Variants in KLF17 observed in about 807,000 individuals in gnomAD.
The protein encoded by KLF17 is Krueppel-like factor 17.
Under a neutral mutation model 34.2 loss-of-function variants are expected in KLF17, and 31 were observed. The ratio of observed to expected loss-of-function variants is 0.91; its 90% CI spans 0.68 to 1.22. The LOEUF (loss-of-function observed/expected upper bound fraction) is 1.22, where lower values mean the gene tolerates loss of function less well. Ranked by LOEUF, KLF17 falls within the 50% of genes most tolerant of loss-of-function variation. The pLI, the probability that KLF17 is intolerant of heterozygous loss-of-function variation, is 0.00. For missense variants in KLF17, 478 were observed against 505.2 expected (o/e 0.95, Z 0.52); for synonymous variants, 179 against 186.7 (o/e 0.96, Z 0.34).
intron 1 of KLF17, among the ~76,000 whole-genome samples, chr1:44,125,350 A>G (rs2087995362): frequency 6.6e-6 from 1 of 152,200 alleles, no homozygotes; most frequent in Non-Finnish European, 1.5e-5. Flanking sequence ...GAATATATCA[A>G]CCCATGGTCT....
the KLF17 span, among the ~76,000 whole-genome samples, chr1:44,102,565 TACACACACAC>T: frequency 0.11 from 9,599 of 89,380 alleles, 321 homozygotes; most frequent in Non-Finnish European, 0.12. Context: ...CACATACACA[TACACACACAC>T]ACACACACAC....
the KLF17 span, among the ~76,000 whole-genome samples, chr1:44,079,536 C>T: frequency 6.6e-6 from 1 of 151,850 alleles, no homozygotes; most frequent in Non-Finnish European, 1.5e-5. Context: ...CTCCTGGGCT[C>T]AAGCGATCCT....
chr1:44,092,272 G>C, the KLF17 span, among the ~76,000 whole-genome samples: 8 of 151,788 alleles, frequency 5.3e-5, no homozygotes, highest in Non-Finnish European at 1.2e-4. Context: ...AATCCGGGAG[G>C]CTGATGATGC....
intron 1 of KLF17, among the ~76,000 whole-genome samples, chr1:44,125,530 C>T (rs185840360): frequency 3.3e-5 from 5 of 152,214 alleles, no homozygotes; most frequent in East Asian, 1.9e-4. Context: ...TGCAATAGTG[C>T]GATCTTGGCT....
At chr1:44,046,837 A>G in the KLF17 span, among the ~76,000 whole-genome samples, 173 of 152,264 alleles carry the variant, frequency 1.1e-3, no homozygotes, top group Non-Finnish European at 2.1e-4. Context: ...AGCCTGGGCA[A>G]TATGGTGAAA....
chr1:44,118,882 G>A lies in KLF17; in HGVS notation c.-26G>A, dbSNP rs755697856. 6.3e-7 allele frequency: 1 copy of A among 1,586,854 alleles called. No individual in the cohort carries two copies. Among genetic ancestry groups the A allele is most frequent in the Non-Finnish European group, 8.6e-7 (1 of 1,165,972 alleles). On this transcript the variant is annotated 5_prime_UTR_variant, in exon 1 of 4. Transcript: ENST00000372299. ...TGGCTGGTTCCCTGTCTCTTCAGTAGAGAGTCTAGACCCCACCCAGTCTTC... is the reference window on the plus strand; with the variant it reads ...TGGCTGGTTCCCTGTCTCTTCAGTAAAGAGTCTAGACCCCACCCAGTCTTC...
At chr1:44,086,064 T>C in the KLF17 span, among the ~76,000 whole-genome samples, 1 of 152,122 alleles carries the variant, frequency 6.6e-6, no homozygotes, top group African/African-American at 2.4e-5. Flanking sequence ...AGACTAGCCC[T>C]GGAGGAGCAT....
At chr1:44,073,105 G>A in the KLF17 span, among the ~76,000 whole-genome samples, 3 of 152,134 alleles carry the variant, frequency 2.0e-5, no homozygotes, top group Admixed American at 6.5e-5. Flanking sequence ...GGAGTAGTTG[G>A]GTAGACAATT....
chr1:44,084,740 G>C, the KLF17 span, among the ~76,000 whole-genome samples: 1 of 149,850 alleles, frequency 6.7e-6, no homozygotes, highest in African/African-American at 2.5e-5. Context: ...TCATTGCTGA[G>C]CAATGAGCAC....
chr1:44,073,206 C>CATCTTT, the KLF17 span, among the ~76,000 whole-genome samples: 1 of 109,466 alleles, frequency 9.1e-6, no homozygotes, highest in African/African-American at 3.0e-5. Context: ...TCTTCTTCTT[C>CATCTTT]TTCTTTTTTT....
chr1:44,132,948 C>T (rs935641967), intron 3 of KLF17, among the ~76,000 whole-genome samples: 3 of 152,314 alleles, frequency 2.0e-5, no homozygotes, highest in Non-Finnish European at 4.4e-5. Context: ...AGAATCCCAA[C>T]CAGGATCTGT....
chr1:44,102,216 G>C, the KLF17 span, among the ~76,000 whole-genome samples: 2 of 151,716 alleles, frequency 1.3e-5, no homozygotes, highest in African/African-American at 4.8e-5. Context: ...CAAAAAACAA[G>C]ACCCAACTAT....
At chr1:44,111,602 CTG>C in the KLF17 span, among the ~76,000 whole-genome samples, 5 of 151,398 alleles carry the variant, frequency 3.3e-5, no homozygotes, top group African/African-American at 1.2e-4. Flanking sequence ...CCATACATAA[CTG>C]TGGTGCATTT....
At chr1:44,094,229 T>A in the KLF17 span, among the ~76,000 whole-genome samples, 1 of 152,210 alleles carries the variant, frequency 6.6e-6, no homozygotes, top group Admixed American at 6.5e-5. Flanking sequence ...GAACTCCTTA[T>A]GTATTCGATT....
intron 1 of KLF17, among the ~76,000 whole-genome samples, chr1:44,129,006 C>T (rs1266863706): frequency 6.7e-6 from 1 of 149,572 alleles, no homozygotes; most frequent in East Asian, 1.9e-4. Context: ...GAGCGAAACT[C>T]CGTCTCAATA....
intron 1 of KLF17, 63 bp from the exon 2 acceptor site, chr1:44,129,290 T>C (rs2088069711): frequency 1.0e-5 from 15 of 1,497,744 alleles, no homozygotes; most frequent in Non-Finnish European, 1.3e-5. Flanking sequence ...GGTCTGGGGA[T>C]GAAGAGGAGG....
chr1:44,080,526 C>T, the KLF17 span, among the ~76,000 whole-genome samples: 5 of 152,168 alleles, frequency 3.3e-5, no homozygotes, highest in African/African-American at 1.2e-4. Context: ...GCGTGAGCCA[C>T]AGCACCAGGC....
chr1:44,087,742 A>T, the KLF17 span, among the ~76,000 whole-genome samples: 1 of 35,486 alleles, frequency 2.8e-5, no homozygotes, highest in Non-Finnish European at 4.9e-5. Flanking sequence ...ATATATATAT[A>T]TATATATATA....
chr1:44,130,871 C>A, intron 3 of KLF17, 115 bp downstream of exon 3: 1 of 966,356 alleles, frequency 1.0e-6, no homozygotes, highest in Non-Finnish European at 1.5e-6. Context: ...ATTCGGTTCA[C>A]TGCACCTTCC....
Sources: gnomAD v4.1 joint callset for allele counts (sites outside exome capture counted in the v4.1 genomes callset) on GRCh38, gnomAD v4.1.1 for gene constraint, MANE v1.5 for transcripts, NCBI Gene and HGNC (gene_info 2026-07-23, HGNC 2026-07-21) for gene names.